Variants in DCLK1 observed in about 807,000 individuals in gnomAD.
The protein encoded by DCLK1 is serine/threonine-protein kinase DCLK1.
DCLK1 carries 16 observed loss-of-function variants against 86.2 expected under a neutral mutation model. The ratio of observed to expected loss-of-function variants is 0.19; its 90% CI spans 0.13 to 0.28. The LOEUF (loss-of-function observed/expected upper bound fraction) is 0.28, where lower values mean the gene tolerates loss of function less well. Among genes scored for constraint, DCLK1 ranks in the 10% least tolerant of loss-of-function variants. The pLI, the probability that DCLK1 is intolerant of heterozygous loss-of-function variation, is 1.00. For synonymous variants in DCLK1, 369 were observed against 370.5 expected (o/e 1.00, Z 0.05); for missense variants, 590 against 940.2 (o/e 0.63, Z 4.87).
rs375652875 is a variant in DCLK1 at position 35,893,651 on chromosome 13, C to T, written c.824-22311G>A. Reference sequence around the variant, plus strand: ...AAGAGAGTCACTGCACAGTGTCCTACCTTTTAATCAAAACACAGCATGGTA... The same window carrying T: ...AAGAGAGTCACTGCACAGTGTCCTATCTTTTAATCAAAACACAGCATGGTA... On this transcript the variant is annotated intron_variant, in intron 4 of 16. Transcript: ENST00000360631. Among the ~76,000 whole-genome samples the T allele has an allele frequency of 7.7e-4, 117 of 152,338 alleles. 1 individual carries two copies. In the South Asian group the frequency reaches 0.024, roughly 31 times the overall value.
At chr13:35,830,763 G>A (rs1208868692) in intron 8 of DCLK1, among the ~76,000 whole-genome samples, 2 of 152,198 alleles carry the variant, frequency 1.3e-5, no homozygotes, top group African/African-American at 4.8e-5. Context: ...AAGAAGGGAT[G>A]TTTGTGAGAC....
chr13:36,032,914 T>C (rs572800177), intron 3 of DCLK1, among the ~76,000 whole-genome samples: 4 of 152,304 alleles, frequency 2.6e-5, no homozygotes, highest in South Asian at 2.1e-4. Context: ...TAATTCCTTA[T>C]AATACAAACA....
chr13:36,087,171 A>G (rs568633243), intron 3 of DCLK1, among the ~76,000 whole-genome samples: 25 of 152,286 alleles, frequency 1.6e-4, no homozygotes, highest in African/African-American at 6.0e-4. Flanking sequence ...TCCAACTGGC[A>G]TGGGATGGTA....
chr13:35,864,654 C>CTTT (rs759910103), intron 5 of DCLK1, among the ~76,000 whole-genome samples: 1 of 112,618 alleles, frequency 8.9e-6, no homozygotes, highest in Non-Finnish European at 1.7e-5. Context: ...TTTCTTCTCT[C>CTTT]TTTTTTTTTT....
At chr13:35,784,823 G>C (rs1489762955) in intron 16 of DCLK1, among the ~76,000 whole-genome samples, 1 of 152,104 alleles carries the variant, frequency 6.6e-6, no homozygotes, top group African/African-American at 2.4e-5. Flanking sequence ...GCAACTTGCT[G>C]TGTACATTTG....
At chr13:35,783,820 A>G (rs1249077603) in intron 16 of DCLK1, among the ~76,000 whole-genome samples, 5 of 152,114 alleles carry the variant, frequency 3.3e-5, no homozygotes, top group African/African-American at 4.8e-5. Context: ...TCCTGACCTT[A>G]GGTGATCCAC....
intron 4 of DCLK1, among the ~76,000 whole-genome samples, chr13:35,916,758 C>A (rs1486454468): frequency 2.6e-5 from 4 of 152,276 alleles, no homozygotes; most frequent in Middle Eastern, 6.8e-3. Context: ...CTATCCCTAT[C>A]TTTAAAAAAT....
At chr13:35,848,115 G>A (rs1870346977) in intron 6 of DCLK1, 1 of 985,210 alleles carries the variant, frequency 1.0e-6, no homozygotes, top group East Asian at 1.1e-4. Context: ...ACAGCACGAT[G>A]TCTTCAGAGC....
In DCLK1 at chr13:35,809,114, T is replaced by C. The variant is rs1419795527; in HGVS notation, c.1689-19A>G. 6.2e-7 allele frequency: 1 copy of C among 1,606,124 alleles called. No individual in the cohort carries two copies. Among genetic ancestry groups the C allele is most frequent in the South Asian group, 1.1e-5 (1 of 90,170 alleles). ...GCCGTATCTGGAAAAATAAGGGATG[T>C]TAGAGTTAGGAGGGTCAGGCTCGGA... On this transcript the variant is annotated intron_variant, in intron 12 of 16. Transcript: ENST00000360631.
At chr13:36,103,943 C>T (rs963618619) in intron 3 of DCLK1, among the ~76,000 whole-genome samples, 1 of 152,194 alleles carries the variant, frequency 6.6e-6, no homozygotes, top group African/African-American at 2.4e-5. Flanking sequence ...CTGACTCAGA[C>T]GGCGAGATGT....
intron 16 of DCLK1, chr13:35,788,269 G>A (rs138369552): frequency 6.8e-6 from 11 of 1,613,932 alleles, no homozygotes; most frequent in East Asian, 2.2e-5. Context: ...TCTCTTGATG[G>A]TAAACCCGTG....
At chr13:35,831,536 C>T (rs942054542) in intron 8 of DCLK1, among the ~76,000 whole-genome samples, 1 of 152,100 alleles carries the variant, frequency 6.6e-6, no homozygotes, top group Non-Finnish European at 1.5e-5. Context: ...AGCAGTGGGA[C>T]GCAGGGCTCT....
intron 16 of DCLK1, among the ~76,000 whole-genome samples, chr13:35,780,975 T>G (rs114474067): frequency 0.014 from 2,084 of 152,378 alleles, 49 homozygotes; most frequent in African/African-American, 0.048. Flanking sequence ...TGGCCTCTTC[T>G]GTTACAATGA....
intron 8 of DCLK1, among the ~76,000 whole-genome samples, chr13:35,832,905 T>C (rs1869068747): frequency 6.6e-6 from 1 of 152,154 alleles, no homozygotes; most frequent in African/African-American, 2.4e-5. Flanking sequence ...GATCTAAGCT[T>C]TCAGCACAAG....
At chr13:36,101,492 G>A (rs1170148341) in intron 3 of DCLK1, among the ~76,000 whole-genome samples, 2 of 152,138 alleles carry the variant, frequency 1.3e-5, no homozygotes, top group Admixed American at 6.5e-5. Flanking sequence ...CATCTACCAC[G>A]CAACAACAGC....
intron 3 of DCLK1, among the ~76,000 whole-genome samples, chr13:36,008,352 T>C (rs1881107525): frequency 1.0e-5 from 1 of 95,288 alleles, no homozygotes; most frequent in African/African-American, 4.3e-5. Flanking sequence ...TAGGTATATC[T>C]CCCAATGCTA....
chr13:35,785,053 T>A (rs1373589213), intron 16 of DCLK1, among the ~76,000 whole-genome samples: 2 of 151,386 alleles, frequency 1.3e-5, no homozygotes. Flanking sequence ...CACATTTTAG[T>A]CACATCTTGC....
At chr13:36,111,172 C>G in intron 3 of DCLK1, among the ~76,000 whole-genome samples, 1 of 152,056 alleles carries the variant, frequency 6.6e-6, no homozygotes, top group African/African-American at 2.4e-5. Context: ...CATCAAGGTT[C>G]TGTCAAACCT....
chr13:35,947,898 A>G (rs1877472094), intron 3 of DCLK1, among the ~76,000 whole-genome samples: 1 of 152,268 alleles, frequency 6.6e-6, no homozygotes. Context: ...CTCTCATGAT[A>G]TGAACATCAC....
Sources: gnomAD v4.1 joint callset for allele counts (sites outside exome capture counted in the v4.1 genomes callset) on GRCh38, gnomAD v4.1.1 for gene constraint, MANE v1.5 for transcripts, NCBI Gene and HGNC (gene_info 2026-07-23, HGNC 2026-07-21) for gene names.